Variants in TTC21A observed in about 807,000 individuals in gnomAD.
TTC21A encodes the protein tetratricopeptide repeat domain 21A.
Under a neutral mutation model 156.4 loss-of-function variants are expected in TTC21A, and 128 were observed. That is an observed-to-expected ratio of 0.82 (90% confidence interval 0.71 to 0.95). TTC21A has a LOEUF of 0.95. Among genes scored for constraint, TTC21A ranks in the 40% least tolerant of loss-of-function variants. The probability of loss-of-function intolerance (pLI) is 0.00; values close to 1 mark genes in which losing one functional copy is unlikely to be tolerated. For missense variants in TTC21A, 1,435 were observed against 1,602.3 expected (o/e 0.90, Z 1.78); for synonymous variants, 587 against 617.1 (o/e 0.95, Z 0.72).
At chr3:39,110,639 T>A (rs2036735227) in intron 3 of TTC21A, among the ~76,000 whole-genome samples, 1 of 152,098 alleles carries the variant, frequency 6.6e-6, no homozygotes, top group Non-Finnish European at 1.5e-5. Context: ...CACACGTGAG[T>A]CCACACCAGG....
At chr3:39,137,813 G>C in intron 26 of TTC21A, 103 bp downstream of exon 26, 1 of 1,262,324 alleles carries the variant, frequency 7.9e-7, no homozygotes, top group Non-Finnish European at 1.1e-6. Flanking sequence ...TATGGAATAA[G>C]AACTAGTCGG....
intron 7 of TTC21A, 49 bp from the exon 8 acceptor site, chr3:39,119,873 C>T (rs1020757999): frequency 7.3e-7 from 1 of 1,370,890 alleles, no homozygotes; most frequent in Non-Finnish European, 1.0e-6. Flanking sequence ...CACGGCGCAA[C>T]TCTGACCTTG....
chr3:39,130,183 G>A lies in TTC21A; in HGVS notation c.2208+32G>A. ...GAGAGGCCTCACAGCCTTGCCAAGTGGCCCCCCAGTCTCCCTTCTCCAGTG... is the reference window on the plus strand; with the variant it reads ...GAGAGGCCTCACAGCCTTGCCAAGTAGCCCCCCAGTCTCCCTTCTCCAGTG... On this transcript the variant is annotated intron_variant, in intron 16 of 28. Coordinates refer to ENST00000683103, the MANE Select transcript of TTC21A (RefSeq NM_001366900.1). This position sits in a 1 kb window ranked among gnomAD's most constrained non-coding sequence, Gnocchi z 4.5. 6.2e-7 allele frequency: 1 copy of A among 1,612,762 alleles called. No homozygotes were observed. Among genetic ancestry groups the A allele is most frequent in the Non-Finnish European group, 8.5e-7 (1 of 1,179,250 alleles).
rs1380449180 is a variant in TTC21A at position 39,134,558 on chromosome 3, G to T, written c.2862+230G>T. 3 of 618,302 alleles carry T rather than the reference G, an allele frequency of 4.9e-6. No homozygotes were observed. The highest frequency in any genetic ancestry group is 8.9e-6 in the Non-Finnish European group (3 of 337,610). 38.3% of individuals were successfully genotyped at this position (618,302 alleles called of 1,614,324 possible). On this transcript the variant is annotated intron_variant, in intron 21 of 28. Coordinates refer to ENST00000683103, the MANE Select transcript of TTC21A (RefSeq NM_001366900.1). The surrounding 1 kb of genome is among the most constrained non-coding windows in gnomAD (Gnocchi z 4.6). ...TCAATCTCCTGGGCCAGTCTAAGGT[G>T]GGGTGAGGTTGATTCACCCCAGGGG...
intron 9 of TTC21A, among the ~76,000 whole-genome samples, chr3:39,122,506 A>T (rs2037857185): frequency 6.6e-6 from 1 of 152,222 alleles, no homozygotes; most frequent in African/African-American, 2.4e-5. Context: ...TTCCCCAAAG[A>T]GTTCCAGGAA....
intron 4 of TTC21A, among the ~76,000 whole-genome samples, chr3:39,111,840 C>A (rs1252468612): frequency 2.0e-5 from 3 of 152,202 alleles, no homozygotes; most frequent in Admixed American, 1.3e-4. Flanking sequence ...AAATACTGAT[C>A]TAGGCCATCA....
intron 24 of TTC21A, 30 bp downstream of exon 24, chr3:39,137,090 C>T (rs765950796): frequency 1.1e-5 from 17 of 1,607,162 alleles, no homozygotes; most frequent in Non-Finnish European, 1.4e-5. Context: ...GGGGCGGAAC[C>T]CTGGGGAAGT....
chr3:39,116,548 T>G (rs1037113751), intron 6 of TTC21A, among the ~76,000 whole-genome samples: 2 of 151,258 alleles, frequency 1.3e-5, no homozygotes, highest in African/African-American at 2.4e-5. Flanking sequence ...TAATCATAGT[T>G]CACTGCAGCC....
rs538729863 is a variant in TTC21A at position 39,117,550 on chromosome 3, A to G, written c.717-519A>G. ...CTGGCCACCTCCAGTCTCTGGCACC[A>G]TGGTCATGTCTGGTTAGTTGGGTTA... On this transcript the variant is annotated intron_variant, in intron 6 of 28. Transcript: ENST00000683103. 2.6e-4 allele frequency among the ~76,000 whole-genome samples: 39 copies of G among 152,326 alleles called. 1 individual carries two copies. In the South Asian group the frequency reaches 7.9e-3, roughly 31 times the overall value.
At position 39,110,854 on chromosome 3, in the gene TTC21A, G is replaced by T. The variant is rs1112438; in HGVS notation, c.272G>T (p.Arg91Leu). ...TCCTTCGCTCTTGGATTTACAGACC[G>T]AGAAGCAATTCAGGAGCTTGAGTAC... The part of the protein sequence containing the change: ...YAHKRCEIID[R>L]EAIQELEYSL... Residue 91 changes from arginine (R) to leucine (L), a missense_variant, in exon 4 of 29, where the codon CGA (arginine) becomes CTA (leucine). Arg to Leu is a moderately radical substitution (Grantham distance 102). Coordinates refer to ENST00000683103, the MANE Select transcript of TTC21A (RefSeq NM_001366900.1). The T allele has an allele frequency of 1.2e-6, 2 of 1,613,564 alleles. No homozygotes were observed. The highest frequency in any genetic ancestry group is 8.5e-7 in the Non-Finnish European group (1 of 1,179,910).
At chr3:39,127,815 G>A (rs930709919) in intron 12 of TTC21A, among the ~76,000 whole-genome samples, 2 of 152,194 alleles carry the variant, frequency 1.3e-5, no homozygotes, top group Non-Finnish European at 2.9e-5. Context: ...CTTCCAAGCC[G>A]AGTGGCTTAT....
In TTC21A at chr3:39,138,372, G is replaced by A. The variant is rs550657646; in HGVS notation, c.3781G>A (p.Ala1261Thr). The A allele has an allele frequency of 4.3e-6, 7 of 1,613,764 alleles. No homozygotes were observed. The highest frequency in any genetic ancestry group is 1.1e-5 in the South Asian group (1 of 91,056). ...YKLAWKYSHH[A>T]NPAIGFKLAF... ...ACTGGCCTGGAAGTACAGTCATCAC[G>A]CCAACCCTGCCATTGGTAAGGCAAC... Residue 1261 changes from alanine to threonine, a missense_variant, in exon 27 of 29, where the codon GCC becomes ACC. By Grantham distance (58) the Ala-to-Thr change is moderately conservative. Coordinates refer to ENST00000683103, the MANE Select transcript of TTC21A (RefSeq NM_001366900.1).
In TTC21A at chr3:39,130,445, T is replaced by A; in HGVS notation, c.2319+87T>A. On this transcript the variant is annotated intron_variant, in intron 17 of 28. Coordinates refer to ENST00000683103, the MANE Select transcript of TTC21A (RefSeq NM_001366900.1). This position sits in a 1 kb window ranked among gnomAD's most constrained non-coding sequence, Gnocchi z 4.5. ...CGGTACATGACTGGGGAGCTCTGGG[T>A]GGGAGGAGAGTGGCTGACTTTTCAC... 1 of 1,170,014 alleles carries A rather than the reference T, an allele frequency of 8.5e-7. No individual in the cohort carries two copies. Among genetic ancestry groups the A allele is most frequent in the Non-Finnish European group, 1.2e-6 (1 of 829,158 alleles). The allele number at this position is 1,170,014 out of a possible 1,614,324, so 72.5% of individuals were successfully genotyped here.
chr3:39,109,961 C>A, intron 2 of TTC21A, 68 bp from the exon 3 acceptor site: 4 of 1,170,294 alleles, frequency 3.4e-6, no homozygotes, highest in South Asian at 1.3e-5. Flanking sequence ...GCTGTTGGGT[C>A]AGCTACAGAG....
At chr3:39,136,588 A>C in intron 23 of TTC21A, 81 bp downstream of exon 23, 3 of 1,506,934 alleles carry the variant, frequency 2.0e-6, no homozygotes, top group Non-Finnish European at 2.7e-6. Flanking sequence ...TGCTCTGCAC[A>C]AAAGGAGCAG....
Position 39,131,005 on chromosome 3 carries a change from A to T in TTC21A, c.2472A>T (p.Pro824=). 6.2e-7 allele frequency: 1 copy of T among 1,613,888 alleles called. No homozygotes were observed. The highest frequency in any genetic ancestry group is 8.5e-7 in the Non-Finnish European group (1 of 1,179,952). Residue 824 remains proline (P), a synonymous_variant, in exon 19 of 29, where the codon CCA becomes CCT. Transcript: ENST00000683103. ...ALEHDIVQDI[P]SMMNDVKCLL... is the part of the protein sequence containing the mutation. ...TCCATTTAACAGTCCAAGACATCCCATCCATGATGAATGATGTTAAGTGCC... is the reference window on the plus strand; with the variant it reads ...TCCATTTAACAGTCCAAGACATCCCTTCCATGATGAATGATGTTAAGTGCC...
rs1368560490 is a variant in TTC21A at position 39,138,546 on chromosome 3, T to C, written c.3797-10T>C. 6.2e-7 allele frequency: 1 copy of C among 1,614,076 alleles called. No individual in the cohort carries two copies. ...GGTGCCACCATCTTTGCTCTCCATG[T>C]CCCCGGTAGGCTTCAAACTTGCTTT... On this transcript the variant is annotated splice_polypyrimidine_tract_variant and intron_variant, in intron 27 of 28. Coordinates refer to ENST00000683103, the MANE Select transcript of TTC21A (RefSeq NM_001366900.1).
rs2036866354 is a variant in TTC21A at position 39,111,958 on chromosome 3, A to C, written c.436-500A>C. ...GGCTAACATGGAACCAGCGAGGTCCACGAGCTCAGAACGGCTCCTGCTCAC... is the reference window on the plus strand; with the variant it reads ...GGCTAACATGGAACCAGCGAGGTCCCCGAGCTCAGAACGGCTCCTGCTCAC... On this transcript the variant is annotated intron_variant, in intron 4 of 28. Transcript: ENST00000683103. Among the ~76,000 whole-genome samples the C allele has an allele frequency of 2.0e-5, 3 of 152,296 alleles. No homozygotes were observed. The South Asian group carries it at 6.2e-4, about 32-fold the overall frequency.
rs2038984758 is a variant in TTC21A at position 39,134,745 on chromosome 3, A to T, written c.2863-348A>T. ...CCTTGCAGAGCAAGGAGGGGTCCTCATCCCTACCTCTATTGCCTGGCAGTT... is the reference window on the plus strand; with the variant it reads ...CCTTGCAGAGCAAGGAGGGGTCCTCTTCCCTACCTCTATTGCCTGGCAGTT... On this transcript the variant is annotated intron_variant, in intron 21 of 28. Transcript: ENST00000683103. The surrounding 1 kb of genome is among the most constrained non-coding windows in gnomAD (Gnocchi z 4.6). 2 of 482,910 alleles carry T rather than the reference A, an allele frequency of 4.1e-6. No individual in the cohort carries two copies. The highest frequency in any genetic ancestry group is 3.3e-5 in the Admixed American group (1 of 30,326). The allele number at this position is 482,910 out of a possible 1,614,324, so 29.9% of individuals were successfully genotyped here.
Sources: gnomAD v4.1 joint callset for allele counts (sites outside exome capture counted in the v4.1 genomes callset) on GRCh38, gnomAD v4.1.1 for gene constraint, Gnocchi (gnomAD v3.1) non-coding constraint, MANE v1.5 for transcripts, NCBI Gene and HGNC (gene_info 2026-07-23, HGNC 2026-07-21) for gene names.